Variants in FHIT observed in about 807,000 individuals in gnomAD.
The protein encoded by FHIT is fragile histidine triad diadenosine triphosphatase.
In FHIT, 19 loss-of-function variants were observed where a neutral mutation model predicts 17.9. That is an observed-to-expected ratio of 1.06 (90% CI 0.74 to 1.56). The LOEUF (loss-of-function observed/expected upper bound fraction) is 1.56, where lower values mean the gene tolerates loss of function less well. Ranked by LOEUF, FHIT falls within the 40% of genes most tolerant of loss-of-function variation. FHIT has a pLI of 0.00. For missense variants in FHIT, 248 were observed against 189.2 expected (o/e 1.31, Z -1.82); for synonymous variants, 81 against 69.7 (o/e 1.16, Z -0.81).
chr3:59,983,314 G>T (rs1300580825), intron 7 of FHIT, among the ~76,000 whole-genome samples: 2 of 152,092 alleles, frequency 1.3e-5, no homozygotes, highest in East Asian at 3.9e-4. Flanking sequence ...GAATGTTAAG[G>T]CAGAACCAGT....
Position 60,609,421 on chromosome 3 carries a change from G to A in FHIT, c.-17-72442C>T, listed in dbSNP as rs111832263. 5.1e-3 allele frequency among the ~76,000 whole-genome samples: 772 copies of A among 152,148 alleles called. 2 individuals carry two copies. Among genetic ancestry groups the A allele is most frequent in the African/African-American group, 0.017 (717 of 41,500 alleles). ...GCTCACTGCAATCTCCGCCTCTCGG[G>A]TTCAAGTGATTCTCCTGCCTCAGCC... is the stretch of plus-strand genomic sequence containing the variant. On this transcript the variant is annotated intron_variant, in intron 4 of 9. Transcript: ENST00000492590.
intron 5 of FHIT, among the ~76,000 whole-genome samples, chr3:60,514,023 A>G (rs922819191): frequency 3.3e-5 from 5 of 152,186 alleles, no homozygotes; most frequent in African/African-American, 1.2e-4. Context: ...GCCTTACTCC[A>G]AGGGAAGATT....
rs182188253 is a variant in FHIT at position 61,231,839 on chromosome 3, C to T, written c.-213+19462G>A. 6.4e-3 allele frequency among the ~76,000 whole-genome samples: 978 copies of T among 152,228 alleles called. 9 individuals carry two copies. Among genetic ancestry groups the T allele is most frequent in the Admixed American group, 0.019 (293 of 15,304 alleles). On this transcript the variant is annotated intron_variant, in intron 1 of 9. Coordinates refer to ENST00000492590, the MANE Select transcript of FHIT (RefSeq NM_002012.4). ...AGAAAACACAGGGAGGGATAAGGAA[C>T]TACATGAGCCATACATATGGAAAAT... is the stretch of plus-strand genomic sequence containing the variant.
intron 8 of FHIT, among the ~76,000 whole-genome samples, chr3:59,898,333 C>T (rs1017537362): frequency 6.6e-6 from 1 of 152,090 alleles, no homozygotes; most frequent in African/African-American, 2.4e-5. Context: ...AATCTGACAA[C>T]TGAACCACTT....
chr3:60,000,564 A>G (rs534624338), intron 7 of FHIT, among the ~76,000 whole-genome samples: 38 of 152,240 alleles, frequency 2.5e-4, no homozygotes, highest in African/African-American at 8.9e-4. Context: ...GTTCAAACCC[A>G]TCCTAATTTT....
chr3:60,680,178 T>C (rs1168256667), intron 4 of FHIT, among the ~76,000 whole-genome samples: 1 of 152,194 alleles, frequency 6.6e-6, no homozygotes, highest in Non-Finnish European at 1.5e-5. Flanking sequence ...ATGATAATCT[T>C]CATTGCTTTA....
intron 2 of FHIT, among the ~76,000 whole-genome samples, chr3:61,140,706 G>C (rs2037056803): frequency 6.6e-6 from 1 of 151,962 alleles, no homozygotes; most frequent in Non-Finnish European, 1.5e-5. Context: ...TACCTTCCTG[G>C]TCATAGCCAC....
At chr3:60,992,938 G>A (rs1048978953) in intron 3 of FHIT, among the ~76,000 whole-genome samples, 2 of 152,240 alleles carry the variant, frequency 1.3e-5, no homozygotes, top group Admixed American at 6.5e-5. Context: ...AACAGGATCC[G>A]AATGGATTCA....
At chr3:60,007,629 G>A (rs759466067) in intron 7 of FHIT, among the ~76,000 whole-genome samples, 7 of 152,132 alleles carry the variant, frequency 4.6e-5, no homozygotes, top group African/African-American at 1.4e-4. Flanking sequence ...AAAGCCTAAC[G>A]AATATATTTA....
rs187645980 is a variant in FHIT, at chr3:60,311,385, G to A, written c.103+225475C>T. ...GTACCATATTGGTTATGCTTCTCAG[G>A]GTACTGCATCAGGAGACACACACAT... On this transcript the variant is annotated intron_variant, in intron 5 of 9. Transcript: ENST00000492590. 1.2e-4 allele frequency among the ~76,000 whole-genome samples: 18 copies of A among 152,042 alleles called. No homozygotes were observed. The East Asian group carries it at 3.5e-3, about 30-fold the overall frequency.
intron 5 of FHIT, among the ~76,000 whole-genome samples, chr3:60,165,744 T>C (rs1359137212): frequency 1.3e-5 from 2 of 152,170 alleles, no homozygotes; most frequent in Admixed American, 6.5e-5. Context: ...TAAATATATA[T>C]GCTCATATAT....
intron 1 of FHIT, among the ~76,000 whole-genome samples, chr3:61,247,126 G>A (rs1432260523): frequency 6.6e-6 from 1 of 151,954 alleles, no homozygotes; most frequent in Non-Finnish European, 1.5e-5. Context: ...AGCAGATGCA[G>A]TGCCTGGAAC....
chr3:60,309,156 A>T (rs1262345701), intron 5 of FHIT, among the ~76,000 whole-genome samples: 1 of 152,106 alleles, frequency 6.6e-6, no homozygotes, highest in Non-Finnish European at 1.5e-5. Flanking sequence ...TTAATTACCA[A>T]TAAACTAAAC....
chr3:59,964,419 A>C (rs1403951828), intron 7 of FHIT, among the ~76,000 whole-genome samples: 1 of 152,154 alleles, frequency 6.6e-6, no homozygotes, highest in East Asian at 1.9e-4. Flanking sequence ...TTAGTTAATA[A>C]AGTACATTGA....
At chr3:60,165,802 T>G (rs1315237763) in intron 5 of FHIT, among the ~76,000 whole-genome samples, 1 of 152,034 alleles carries the variant, frequency 6.6e-6, no homozygotes, top group Non-Finnish European at 1.5e-5. Flanking sequence ...CAGAAGAGTA[T>G]AACGGGAAAA....
At chr3:60,324,787 A>G (rs1709608133) in intron 5 of FHIT, among the ~76,000 whole-genome samples, 1 of 152,096 alleles carries the variant, frequency 6.6e-6, no homozygotes, top group African/African-American at 2.4e-5. Flanking sequence ...AATCACTTTT[A>G]ACCCTCTTCT....
intron 4 of FHIT, among the ~76,000 whole-genome samples, chr3:60,720,475 G>A (rs797036882): frequency 2.6e-5 from 4 of 152,304 alleles, no homozygotes; most frequent in African/African-American, 9.6e-5. Context: ...GCCTGGTAGA[G>A]AGCAAGAGCT....
intron 4 of FHIT, among the ~76,000 whole-genome samples, chr3:60,715,336 C>A (rs954706052): frequency 2.6e-5 from 4 of 151,968 alleles, no homozygotes; most frequent in Non-Finnish European, 5.9e-5. Flanking sequence ...CCATATGAGG[C>A]ACTATTCGCA....
chr3:60,024,738 T>C (rs906593076), intron 5 of FHIT, among the ~76,000 whole-genome samples: 5 of 152,176 alleles, frequency 3.3e-5, no homozygotes, highest in African/African-American at 7.2e-5. Context: ...CCAGCTAAGG[T>C]GGCTGTGAAC....
Sources: gnomAD v4.1 joint callset for allele counts (sites outside exome capture counted in the v4.1 genomes callset) on GRCh38, gnomAD v4.1.1 for gene constraint, MANE v1.5 for transcripts, NCBI Gene and HGNC (gene_info 2026-07-23, HGNC 2026-07-21) for gene names.